Variants in SERPINI1 observed in about 807,000 individuals in gnomAD.
The protein encoded by SERPINI1 is serpin family I member 1, also known as neuroserpin.
In SERPINI1, 19 loss-of-function variants were observed where a neutral mutation model predicts 41.1. That is an observed-to-expected ratio of 0.46 (90% confidence interval 0.32 to 0.68). SERPINI1 has a LOEUF of 0.68. Ranked by LOEUF, SERPINI1 falls within the 30% of genes least tolerant of loss-of-function variation. SERPINI1 has a pLI of 0.03. For missense variants in SERPINI1, 460 were observed against 479.2 expected (o/e 0.96, Z 0.37); for synonymous variants, 138 against 156.6 (o/e 0.88, Z 0.89).
chr3:167,824,475 A>G lies in SERPINI1; in HGVS notation c.1069A>G (p.Met357Val), dbSNP rs772662329. ...ATTACTTTTTATCTGCACTGTAGGA[A>G]TGATTGCAATTAGTAGGATGGCTGT... ...EGSEAAAVSG[M>V]IAISRMAVLY... is the part of the protein sequence containing the mutation. The change falls in exon 8 of 9, where the codon ATG becomes GTG. Residue 357 changes from methionine to valine, a missense_variant and splice_region_variant. Transcript: ENST00000446050. The G allele has an allele frequency of 6.2e-7, 1 of 1,610,870 alleles. No individual in the cohort carries two copies. The highest frequency in any genetic ancestry group is 8.5e-7 in the Non-Finnish European group (1 of 1,177,216).
rs193166889 is a variant in SERPINI1, at chr3:167,788,536, C to T, written c.-18-575C>T. Among the ~76,000 whole-genome samples, 20 of 152,286 alleles carry T rather than the reference C, an allele frequency of 1.3e-4. 1 individual carries two copies. The East Asian group carries it at 3.9e-3, about 29-fold the overall frequency. The stretch of plus-strand genomic sequence containing the variant: ...CTCCTAGGAACCAATACGTGAGGAA[C>T]AATCACACAAGGATGTGCTGAGTCT... On this transcript the variant is annotated intron_variant, in intron 1 of 8. Transcript: ENST00000446050.
chr3:167,749,418 A>G (rs954405998), intron 1 of SERPINI1, among the ~76,000 whole-genome samples: 1 of 152,232 alleles, frequency 6.6e-6, no homozygotes, highest in Non-Finnish European at 1.5e-5. Context: ...ACTGAGGACC[A>G]TTAACCATAC....
At chr3:167,774,906 C>A (rs11923766) in intron 1 of SERPINI1, among the ~76,000 whole-genome samples, 19,477 of 151,968 alleles carry the variant, frequency 0.13, 1,517 homozygotes, top group African/African-American at 0.21. Context: ...GTGAGGCTGA[C>A]ATTGTAGTGG....
chr3:167,749,788 T>G (rs1725986848), intron 1 of SERPINI1, among the ~76,000 whole-genome samples: 1 of 152,198 alleles, frequency 6.6e-6, no homozygotes, highest in Non-Finnish European at 1.5e-5. Context: ...GAATGCTGTT[T>G]ATATGTTTAG....
At chr3:167,747,568 CGGGAGG>C (rs2108532726) in intron 1 of SERPINI1, among the ~76,000 whole-genome samples, 1 of 152,176 alleles carries the variant, frequency 6.6e-6, no homozygotes, top group African/African-American at 2.4e-5. Flanking sequence ...GGCGTGAACC[CGGGAGG>C]CGGAACTTGC....
At chr3:167,804,735 TG>T (rs770576663) in intron 5 of SERPINI1, among the ~76,000 whole-genome samples, 1 of 152,058 alleles carries the variant, frequency 6.6e-6, no homozygotes. Context: ...CCTAGCTACT[TG>T]GGAGGCTGAA....
intron 1 of SERPINI1, among the ~76,000 whole-genome samples, chr3:167,783,617 A>G (rs567252375): frequency 3.5e-4 from 53 of 152,286 alleles, no homozygotes; most frequent in African/African-American, 1.3e-3. Context: ...TCTGTGGAGA[A>G]TATCAACACT....
chr3:167,815,373 CTTTTTCTTTT>C (rs557507554), intron 6 of SERPINI1, among the ~76,000 whole-genome samples: 201 of 151,368 alleles, frequency 1.3e-3, no homozygotes, highest in African/African-American at 4.1e-3. Flanking sequence ...GATGTGATTT[CTTTTTCTTTT>C]TTTTTCTTTT....
intron 1 of SERPINI1, among the ~76,000 whole-genome samples, chr3:167,781,251 G>A (rs2108551672): frequency 6.6e-6 from 1 of 151,896 alleles, no homozygotes; most frequent in Admixed American, 6.6e-5. Context: ...TTAAAGCAGT[G>A]GATTCCAAAC....
intron 1 of SERPINI1, among the ~76,000 whole-genome samples, chr3:167,763,612 T>C (rs1324848902): frequency 6.6e-6 from 1 of 152,176 alleles, no homozygotes; most frequent in Non-Finnish European, 1.5e-5. Context: ...ACCACGATTT[T>C]ACTGACAGGC....
Position 167,792,579 on chromosome 3 carries a change from T to C in SERPINI1, c.482-11T>C. The C allele has an allele frequency of 1.9e-6, 3 of 1,610,464 alleles. No individual in the cohort carries two copies. The highest frequency in any genetic ancestry group is 1.1e-5 in the South Asian group (1 of 90,804). On this transcript the variant is annotated splice_polypyrimidine_tract_variant and intron_variant, in intron 3 of 8. Transcript: ENST00000446050. ...ACATGAATTTTTATCTATTCATTTT[T>C]TCCTAAATAGATCTGGTGAAAGATT...
chr3:167,780,396 T>G (rs1314808924), intron 1 of SERPINI1, among the ~76,000 whole-genome samples: 1 of 152,182 alleles, frequency 6.6e-6, no homozygotes, highest in Non-Finnish European at 1.5e-5. Context: ...TAAGGAAGGT[T>G]TTGATAGCTT....
intron 6 of SERPINI1, among the ~76,000 whole-genome samples, chr3:167,808,711 G>A (rs1711751072): frequency 1.3e-5 from 2 of 152,142 alleles, no homozygotes; most frequent in Non-Finnish European, 2.9e-5. Flanking sequence ...TGGAGTGTGA[G>A]GGCCCATAGA....
chr3:167,772,698 G>A (rs1463285354), intron 1 of SERPINI1, among the ~76,000 whole-genome samples: 1 of 151,090 alleles, frequency 6.6e-6, no homozygotes, highest in Non-Finnish European at 1.5e-5. Flanking sequence ...ATACCTTGGA[G>A]TCATTAAAAT....
chr3:167,792,342 T>TAC lies in SERPINI1; in HGVS notation c.482-240_482-239dup, dbSNP rs1293851924. On this transcript the variant is annotated intron_variant, in intron 3 of 8. Coordinates refer to ENST00000446050, the MANE Select transcript of SERPINI1 (RefSeq NM_001122752.2). ...CCTTAATTTCTTTTTTATATATATA[T>TAC]ACACACACATATATATATACACACA... Among the ~76,000 whole-genome samples the TAC allele has an allele frequency of 2.9e-3, 425 of 148,122 alleles. 1 individual carries two copies. Among genetic ancestry groups the TAC allele is most frequent in the Non-Finnish European group, 4.7e-3 (314 of 67,132 alleles).
chr3:167,739,264 C>T (rs576405634), intron 1 of SERPINI1, among the ~76,000 whole-genome samples: 3 of 152,008 alleles, frequency 2.0e-5, no homozygotes, highest in Non-Finnish European at 1.5e-5. Context: ...TCATATTCAG[C>T]ATAAAGAAAT....
At chr3:167,739,081 A>G (rs1234305914) in intron 1 of SERPINI1, among the ~76,000 whole-genome samples, 1 of 151,250 alleles carries the variant, frequency 6.6e-6, no homozygotes, top group Non-Finnish European at 1.5e-5. Context: ...ATTAACGTAC[A>G]CAAATAAGGG....
At chr3:167,740,020 C>CT (rs141718664) in intron 1 of SERPINI1, among the ~76,000 whole-genome samples, 13,721 of 140,006 alleles carry the variant, frequency 0.098, 1,827 homozygotes, top group African/African-American at 0.29. Context: ...CTGCCTTTTT[C>CT]TTTTTTTTTT....
intron 4 of SERPINI1, among the ~76,000 whole-genome samples, chr3:167,793,580 A>ATG (rs1727598791): frequency 9.1e-6 from 1 of 109,958 alleles, no homozygotes; most frequent in African/African-American, 4.3e-5. Flanking sequence ...CTACAAATAT[A>ATG]TATATATATA....
Sources: allele counts gnomAD v4.1 joint callset (sites outside exome capture counted in the v4.1 genomes callset), GRCh38; gene constraint gnomAD v4.1.1; transcripts MANE v1.5; gene names NCBI Gene and HGNC (gene_info 2026-07-23, HGNC 2026-07-21).